The following NEDD4L variants were observed in gnomAD, a reference collection of about 807,000 sequenced individuals.
NEDD4L encodes the protein E3 ubiquitin-protein ligase NEDD4-like.
NEDD4L carries 54 observed loss-of-function variants against 148.9 expected under a neutral mutation model. That is an observed-to-expected ratio of 0.36 (90% CI 0.29 to 0.45). The LOEUF is 0.45. Ranked by LOEUF, NEDD4L falls within the 20% of genes least tolerant of loss-of-function variation. NEDD4L has a pLI of 1.00. For missense variants in NEDD4L, 856 were observed against 1,233.8 expected (o/e 0.69, Z 4.59); for synonymous variants, 433 against 440.7 (o/e 0.98, Z 0.22).
At chr18:58,143,950 A>G (rs1272699311) in intron 1 of NEDD4L, among the ~76,000 whole-genome samples, 1 of 152,204 alleles carries the variant, frequency 6.6e-6, no homozygotes, top group East Asian at 1.9e-4. Flanking sequence ...AGGTATTATT[A>G]AGTCATAGGT....
At chr18:58,240,815 T>TTATG (rs61543959) in intron 2 of NEDD4L, among the ~76,000 whole-genome samples, 155 of 150,896 alleles carry the variant, frequency 1.0e-3, no homozygotes, top group African/African-American at 3.3e-3. Flanking sequence ...CAGCTAACAT[T>TTATG]TATGTATGTA....
intron 1 of NEDD4L, among the ~76,000 whole-genome samples, chr18:58,163,401 G>T (rs1160114978): frequency 1.3e-5 from 2 of 152,256 alleles, no homozygotes; most frequent in Admixed American, 6.5e-5. Flanking sequence ...CTCCCAGCCT[G>T]TGAGTGTTCC....
intron 1 of NEDD4L, among the ~76,000 whole-genome samples, chr18:58,074,665 T>A (rs924730161): frequency 6.6e-6 from 1 of 152,204 alleles, no homozygotes; most frequent in Middle Eastern, 3.4e-3. Flanking sequence ...ATCTGCCTGA[T>A]GGATGGCTTG....
chr18:58,194,805 C>T (rs947268324), intron 2 of NEDD4L, among the ~76,000 whole-genome samples: 3 of 152,134 alleles, frequency 2.0e-5, no homozygotes, highest in East Asian at 1.9e-4. Flanking sequence ...TGGTTGATTT[C>T]GGATAATACT....
At chr18:58,234,468 A>G (rs559621823) in intron 2 of NEDD4L, among the ~76,000 whole-genome samples, 1 of 151,480 alleles carries the variant, frequency 6.6e-6, no homozygotes, top group East Asian at 2.0e-4. Flanking sequence ...AGTAGCTGGG[A>G]CCATGGGTGT....
intron 6 of NEDD4L, among the ~76,000 whole-genome samples, chr18:58,319,948 G>T (rs2058629818): frequency 6.6e-6 from 1 of 152,172 alleles, no homozygotes; most frequent in Non-Finnish European, 1.5e-5. Flanking sequence ...TATGGTTACT[G>T]CCCCATTTTA....
rs552293925 is a variant in NEDD4L at position 58,285,662 on chromosome 18, G to A, written c.298-30320G>A. Among the ~76,000 whole-genome samples, 230 of 152,360 alleles carry A rather than the reference G, an allele frequency of 1.5e-3. 2 individuals are homozygous for A. The highest frequency in any genetic ancestry group is 3.2e-3 in the Admixed American group (49 of 15,304). On this transcript the variant is annotated intron_variant, in intron 5 of 30. Coordinates refer to ENST00000400345, the MANE Select transcript of NEDD4L (RefSeq NM_001144967.3). ...GCAGCTTGAAACCTAAAAGCAAGAG[G>A]AGGCTGGGTTAGATCAGCTCACTGT...
At chr18:58,301,878 G>A (rs2149261127) in intron 5 of NEDD4L, among the ~76,000 whole-genome samples, 1 of 152,308 alleles carries the variant, frequency 6.6e-6, no homozygotes, top group Non-Finnish European at 1.5e-5. Flanking sequence ...TACCACTGGT[G>A]CCATGCCCTT....
intron 5 of NEDD4L, among the ~76,000 whole-genome samples, chr18:58,280,624 T>C (rs1036204584): frequency 6.6e-6 from 1 of 152,066 alleles, no homozygotes; most frequent in Non-Finnish European, 1.5e-5. Flanking sequence ...GTGCTTCCAC[T>C]AGGAAAGCAC....
At chr18:58,345,930 G>GT (rs35603239) in intron 16 of NEDD4L, among the ~76,000 whole-genome samples, 108 of 128,420 alleles carry the variant, frequency 8.4e-4, no homozygotes, top group Middle Eastern at 4.3e-3. Flanking sequence ...TTTGTTTTTT[G>GT]TTTTTTTTAG....
chr18:58,327,406 A>G (rs1568710820), intron 9 of NEDD4L, among the ~76,000 whole-genome samples: 2 of 152,200 alleles, frequency 1.3e-5, no homozygotes, highest in South Asian at 4.1e-4. Context: ...TGAAAAATGC[A>G]GTTCTTAATC....
At chr18:58,211,756 G>A (rs538946271) in intron 2 of NEDD4L, among the ~76,000 whole-genome samples, 88 of 152,304 alleles carry the variant, frequency 5.8e-4, no homozygotes, top group Middle Eastern at 3.4e-3. Flanking sequence ...AGAAGTCTTC[G>A]TGATCAAAGC....
At chr18:58,261,650 T>C (rs982855869) in intron 5 of NEDD4L, among the ~76,000 whole-genome samples, 17 of 152,236 alleles carry the variant, frequency 1.1e-4, no homozygotes, top group African/African-American at 4.1e-4. Context: ...TTACTTTATG[T>C]AAAAACTACC....
At chr18:58,152,170 G>A (rs567736365) in intron 1 of NEDD4L, among the ~76,000 whole-genome samples, 36 of 152,106 alleles carry the variant, frequency 2.4e-4, no homozygotes, top group East Asian at 7.7e-4. Context: ...CTGTACTGTC[G>A]CAACCCTGAA....
At chr18:58,249,296 G>A (rs2047631426) in intron 4 of NEDD4L, among the ~76,000 whole-genome samples, 1 of 152,114 alleles carries the variant, frequency 6.6e-6, no homozygotes. Flanking sequence ...AACAGTAGAG[G>A]CAACATGATT....
At chr18:58,179,257 C>G (rs502552) in intron 2 of NEDD4L, among the ~76,000 whole-genome samples, 2 of 152,018 alleles carry the variant, frequency 1.3e-5, no homozygotes, top group African/African-American at 4.8e-5. Flanking sequence ...TGAGACTTCA[C>G]CCACTAGTGG....
rs192993126 is a variant in NEDD4L, at chr18:58,159,487, G to T, written c.49-6301G>T. Among the ~76,000 whole-genome samples the T allele has an allele frequency of 2.9e-3, 446 of 152,184 alleles. 3 individuals are homozygous for T. The highest frequency in any genetic ancestry group is 0.01 in the African/African-American group (426 of 41,526). On this transcript the variant is annotated intron_variant, in intron 1 of 30. Coordinates refer to ENST00000400345, the MANE Select transcript of NEDD4L (RefSeq NM_001144967.3). Reference sequence around the variant, plus strand: ...GGAGGCTGTGAGTGTGTCGCGGTAGGGGGTACGTAGGAAATCTCCGTGCCT... The same window carrying T: ...GGAGGCTGTGAGTGTGTCGCGGTAGTGGGTACGTAGGAAATCTCCGTGCCT...
intron 24 of NEDD4L, among the ~76,000 whole-genome samples, chr18:58,382,553 C>T (rs189527490): frequency 1.3e-5 from 2 of 152,180 alleles, no homozygotes; most frequent in Admixed American, 1.3e-4. Flanking sequence ...AATAGTAGGC[C>T]TCTCTCCCTT....
At chr18:58,311,213 G>A (rs142516103) in intron 5 of NEDD4L, among the ~76,000 whole-genome samples, 220 of 152,286 alleles carry the variant, frequency 1.4e-3, no homozygotes, top group African/African-American at 5.1e-3. Context: ...CCTCAAAATA[G>A]CACATACCTG....
Sources: gnomAD v4.1 joint callset for allele counts (sites outside exome capture counted in the v4.1 genomes callset) on GRCh38, gnomAD v4.1.1 for gene constraint, MANE v1.5 for transcripts, NCBI Gene and HGNC (gene_info 2026-07-23, HGNC 2026-07-21) for gene names.